The following NCKAP5 variants were observed in gnomAD, a reference collection of about 807,000 sequenced individuals.
NCKAP5 encodes the protein NCK associated protein 5, also known as nck-associated protein 5.
Under a neutral mutation model 167.0 loss-of-function variants are expected in NCKAP5, and 92 were observed. The observed-to-expected ratio is 0.55, with a 90% CI of 0.47 to 0.66. The LOEUF is 0.66. Ranked by LOEUF, NCKAP5 falls within the 30% of genes least tolerant of loss-of-function variation. NCKAP5 has a pLI of 0.00. For synonymous variants in NCKAP5, 891 were observed against 877.4 expected, an observed-to-expected ratio of 1.02 and a Z score of -0.27; for missense variants, 2,378 against 2,315.0, an observed-to-expected ratio of 1.03 and a Z score of -0.56.
intron 2 of NCKAP5, among the ~76,000 whole-genome samples, chr2:133,538,906 T>TTG (rs1269412712): frequency 1.1e-4 from 16 of 143,506 alleles, no homozygotes; most frequent in East Asian, 4.4e-4. Context: ...AGTTTTTTTT[T>TTG]GGTTTTTTTT....
Position 132,782,060 on chromosome 2 carries a change from C to T in NCKAP5, c.4751G>A (p.Ser1584Asn). ...TTGTGGTGTTCTCCGATTATTTTTG[C>T]TTTGTAAACCGCCATCTGGATTATC... Reference protein sequence around the residue: ...SADNPDGGLQSKNNRRTPQDI... With the variant: ...SADNPDGGLQNKNNRRTPQDI... The change falls in exon 14 of 20, where the codon AGC becomes AAC. Residue 1584 changes from serine (S) to asparagine (N), a missense_variant. Physicochemically the swap from Ser to Asn is conservative, Grantham distance 46. Coordinates refer to ENST00000409261, the MANE Select transcript of NCKAP5 (RefSeq NM_207363.3). The T allele has an allele frequency of 1.2e-6, 2 of 1,613,998 alleles. No homozygotes were observed. The highest frequency in any genetic ancestry group is 2.2e-5 in the South Asian group (2 of 91,088).
the NCKAP5 span, among the ~76,000 whole-genome samples, chr2:133,620,394 A>G: frequency 1.3e-3 from 201 of 152,196 alleles, no homozygotes; most frequent in South Asian, 9.1e-3. Flanking sequence ...ACAAATAAGG[A>G]CTCACATACA....
At chr2:132,817,612 C>T (rs1188019133) in intron 11 of NCKAP5, among the ~76,000 whole-genome samples, 1 of 152,168 alleles carries the variant, frequency 6.6e-6, no homozygotes, top group Admixed American at 6.5e-5. Flanking sequence ...TCCTGGAAAC[C>T]ATTTTTCCTT....
intron 8 of NCKAP5, among the ~76,000 whole-genome samples, chr2:132,910,101 AT>A (rs1390312546): frequency 4.6e-5 from 7 of 151,688 alleles, no homozygotes; most frequent in African/African-American, 7.3e-5. Context: ...AATATTTTAA[AT>A]TTTTTTTCAT....
intron 16 of NCKAP5, among the ~76,000 whole-genome samples, chr2:132,742,902 T>C (rs1390523879): frequency 6.6e-6 from 1 of 151,898 alleles, no homozygotes; most frequent in Non-Finnish European, 1.5e-5. Flanking sequence ...CATCTTTCCA[T>C]TTCAGTGGCT....
At chr2:132,794,257 TATATATAGAGAGAG>T (rs1185122804) in intron 12 of NCKAP5, among the ~76,000 whole-genome samples, 26 of 40,960 alleles carry the variant, frequency 6.3e-4, no homozygotes, top group South Asian at 2.0e-3. Flanking sequence ...TATATATATA[TATATATAGAGAGAG>T]AGAGAGAGAG....
intron 5 of NCKAP5, among the ~76,000 whole-genome samples, chr2:133,197,207 A>G (rs938580248): frequency 5.3e-5 from 8 of 152,196 alleles, no homozygotes; most frequent in African/African-American, 1.9e-4. Context: ...ATGAAGTACT[A>G]TGCTTGCCTC....
At chr2:133,108,326 GC>G (rs1166579214) in intron 6 of NCKAP5, among the ~76,000 whole-genome samples, 5 of 152,156 alleles carry the variant, frequency 3.3e-5, no homozygotes, top group Admixed American at 2.6e-4. Flanking sequence ...GCACATACCA[GC>G]ATCCCAGGAT....
intron 8 of NCKAP5, among the ~76,000 whole-genome samples, chr2:132,920,719 GTA>G (rs60892828): frequency 0.15 from 9,425 of 64,516 alleles, 1,365 homozygotes; most frequent in African/African-American, 0.2. Context: ...GTATATATAT[GTA>G]TATATATATA....
At chr2:133,149,705 A>T (rs1277701510) in intron 5 of NCKAP5, among the ~76,000 whole-genome samples, 1 of 152,128 alleles carries the variant, frequency 6.6e-6, no homozygotes, top group Admixed American at 6.6e-5. Flanking sequence ...CTATTTAGTA[A>T]TTACTTCTTG....
intron 3 of NCKAP5, among the ~76,000 whole-genome samples, chr2:133,472,646 G>C (rs1821625): frequency 6.6e-6 from 1 of 151,868 alleles, no homozygotes; most frequent in Non-Finnish European, 1.5e-5. Flanking sequence ...AGACCCATAT[G>C]TACTAACCCT....
intron 8 of NCKAP5, among the ~76,000 whole-genome samples, chr2:132,904,335 TA>T (rs1187211378): frequency 6.7e-6 from 1 of 149,146 alleles, no homozygotes; most frequent in African/African-American, 2.4e-5. Context: ...AATAATTAAA[TA>T]AAAATAAATA....
intron 11 of NCKAP5, among the ~76,000 whole-genome samples, chr2:132,798,878 T>C (rs1326479027): frequency 2.0e-5 from 3 of 152,128 alleles, no homozygotes; most frequent in Admixed American, 2.0e-4. Context: ...AGAGCTACCA[T>C]TTGACCCATC....
intron 3 of NCKAP5, among the ~76,000 whole-genome samples, chr2:133,499,549 CTTTTTTG>C (rs3050962): frequency 0.91 from 137,795 of 151,072 alleles, 62,992 homozygotes; most frequent in East Asian, 1. Context: ...TCTAAGTGTT[CTTTTTTG>C]TTTTTTGTTT....
intron 3 of NCKAP5, among the ~76,000 whole-genome samples, chr2:133,346,164 A>G (rs1683963361): frequency 6.6e-6 from 1 of 152,226 alleles, no homozygotes; most frequent in African/African-American, 2.4e-5. Flanking sequence ...GAATAAAATG[A>G]CCCAAATATG....
At chr2:133,325,125 C>G (rs1453720879) in intron 3 of NCKAP5, among the ~76,000 whole-genome samples, 1 of 152,220 alleles carries the variant, frequency 6.6e-6, no homozygotes, top group Admixed American at 6.5e-5. Flanking sequence ...ACGATGTCTC[C>G]TTCCATCACT....
At position 133,417,936 on chromosome 2, in the gene NCKAP5, C is replaced by T. The variant is rs997083870; in HGVS notation, c.69+99522G>A. ...TAAGGAAAACATTTCAAACAGGGAGCGTTGTTAGACGCTAAAGTTAGTGAC... is the reference window on the plus strand; with the variant it reads ...TAAGGAAAACATTTCAAACAGGGAGTGTTGTTAGACGCTAAAGTTAGTGAC... On this transcript the variant is annotated intron_variant, in intron 3 of 19. Transcript: ENST00000409261. 5.9e-5 allele frequency among the ~76,000 whole-genome samples: 9 copies of T among 152,184 alleles called. 1 individual carries two copies. The highest frequency in any genetic ancestry group is 4.1e-4 in the South Asian group (2 of 4,820).
intron 4 of NCKAP5, among the ~76,000 whole-genome samples, chr2:133,225,314 G>A (rs902736373): frequency 6.6e-6 from 1 of 152,152 alleles, no homozygotes; most frequent in African/African-American, 2.4e-5. Flanking sequence ...AGGGGGTGAC[G>A]ATAGCCCTTA....
intron 4 of NCKAP5, among the ~76,000 whole-genome samples, chr2:133,234,215 G>C (rs1332104338): frequency 6.6e-6 from 1 of 152,188 alleles, no homozygotes; most frequent in Non-Finnish European, 1.5e-5. Flanking sequence ...GAACTGGATA[G>C]AACTCCAATT....
Sources: gnomAD v4.1 joint callset for allele counts (sites outside exome capture counted in the v4.1 genomes callset) on GRCh38, gnomAD v4.1.1 for gene constraint, MANE v1.5 for transcripts, NCBI Gene and HGNC (gene_info 2026-07-23, HGNC 2026-07-21) for gene names.